The following GPHN variants were observed in gnomAD, a reference collection of about 807,000 sequenced individuals.
The protein encoded by GPHN is gephyrin.
In GPHN, 17 loss-of-function variants were observed where a neutral mutation model predicts 95.5. The ratio of observed to expected loss-of-function variants is 0.18; its 90% confidence interval spans 0.12 to 0.27. GPHN has a LOEUF of 0.27. Among genes scored for constraint, GPHN ranks in the 10% least tolerant of loss-of-function variants. GPHN has a pLI of 1.00. For synonymous variants in GPHN, 320 were observed against 322.5 expected (o/e 0.99, Z 0.08); for missense variants, 660 against 978.1 (o/e 0.67, Z 4.34).
the GPHN span, among the ~76,000 whole-genome samples, chr14:67,210,110 T>C: frequency 6.6e-6 from 1 of 152,226 alleles, no homozygotes; most frequent in East Asian, 1.9e-4. Flanking sequence ...CCTTTACTTA[T>C]GGTAACATGT....
At chr14:67,261,887 A>C in the GPHN span, among the ~76,000 whole-genome samples, 3 of 152,180 alleles carry the variant, frequency 2.0e-5, no homozygotes, top group Non-Finnish European at 4.4e-5. Flanking sequence ...AATTTATTTT[A>C]TGAAGCAGTC....
chr14:66,894,951 G>A (rs918089438), intron 5 of GPHN, among the ~76,000 whole-genome samples: 2 of 152,150 alleles, frequency 1.3e-5, no homozygotes. Context: ...ACAGTGTGTC[G>A]ATTCCTCAAG....
At chr14:67,333,958 T>G in the GPHN span, 1 of 152,572 alleles carries the variant, frequency 6.6e-6, no homozygotes, top group Non-Finnish European at 1.5e-5. Context: ...GGAATTCTGT[T>G]GATGAATATA....
At chr14:67,424,008 CA>C in the GPHN span, among the ~76,000 whole-genome samples, 1 of 152,194 alleles carries the variant, frequency 6.6e-6, no homozygotes, top group Non-Finnish European at 1.5e-5. Flanking sequence ...GAGGCCAAGG[CA>C]GGCAGATCAC....
At chr14:67,041,565 G>A (rs943691565) in intron 10 of GPHN, among the ~76,000 whole-genome samples, 1 of 152,116 alleles carries the variant, frequency 6.6e-6, no homozygotes, top group African/African-American at 2.4e-5. Flanking sequence ...TTTTATGGCT[G>A]TATAGTATTC....
At chr14:67,000,787 T>C (rs1310293700) in intron 9 of GPHN, among the ~76,000 whole-genome samples, 1 of 151,648 alleles carries the variant, frequency 6.6e-6, no homozygotes, top group Non-Finnish European at 1.5e-5. Flanking sequence ...AGCTAATCCA[T>C]AGAGATAATG....
chr14:67,653,374 T>G, the GPHN span: 1 of 1,470,388 alleles, frequency 6.8e-7, no homozygotes, highest in South Asian at 1.2e-5. Flanking sequence ...AAGTCACTAT[T>G]TTAAGCTTTT....
intron 1 of GPHN, among the ~76,000 whole-genome samples, chr14:66,593,635 G>A (rs1266793664): frequency 6.6e-6 from 1 of 152,098 alleles, no homozygotes; most frequent in Admixed American, 6.5e-5. Flanking sequence ...TGAGATTTGG[G>A]TGGGGACACA....
At chr14:67,331,234 G>A in the GPHN span, among the ~76,000 whole-genome samples, 3 of 152,008 alleles carry the variant, frequency 2.0e-5, no homozygotes, top group Non-Finnish European at 2.9e-5. Context: ...TAATAGAGAC[G>A]GGGTTTTGCC....
chr14:67,010,155 C>T (rs577650103), intron 9 of GPHN, among the ~76,000 whole-genome samples: 3 of 152,190 alleles, frequency 2.0e-5, no homozygotes, highest in Non-Finnish European at 2.9e-5. Flanking sequence ...TTCAGCTCCT[C>T]CCATGTTAAC....
intron 5 of GPHN, among the ~76,000 whole-genome samples, chr14:66,904,431 T>C (rs2065273342): frequency 6.6e-6 from 1 of 152,160 alleles, no homozygotes; most frequent in African/African-American, 2.4e-5. Context: ...CGGTGATTGG[T>C]GCGTTTTTAC....
chr14:66,821,300 T>C (rs887035499), intron 3 of GPHN, among the ~76,000 whole-genome samples: 5 of 152,226 alleles, frequency 3.3e-5, no homozygotes, highest in Non-Finnish European at 7.4e-5. Context: ...ATGTGGCACA[T>C]AGTTCAGTTT....
At chr14:66,785,590 T>G (rs995591650) in intron 3 of GPHN, among the ~76,000 whole-genome samples, 1 of 151,768 alleles carries the variant, frequency 6.6e-6, no homozygotes, top group Non-Finnish European at 1.5e-5. Flanking sequence ...CACATTTTTT[T>G]TCAAGCACAC....
intron 10 of GPHN, among the ~76,000 whole-genome samples, chr14:67,053,170 GGTTT>G (rs1468816203): frequency 4.1e-5 from 5 of 123,284 alleles, no homozygotes; most frequent in East Asian, 2.5e-4. Flanking sequence ...TCTAGGAGCT[GGTTT>G]GTTTTTTTTT....
chr14:66,588,676 A>C (rs1452200207), intron 1 of GPHN, among the ~76,000 whole-genome samples: 3 of 152,144 alleles, frequency 2.0e-5, no homozygotes, highest in African/African-American at 2.4e-5. Context: ...GTGTGAAGAC[A>C]AGATTAGAGA....
chr14:67,648,098 AC>A, the GPHN span: 2 of 1,613,960 alleles, frequency 1.2e-6, no homozygotes, highest in Non-Finnish European at 1.7e-6. Flanking sequence ...TTGACCCTAC[AC>A]TGGCTCCAGC....
At chr14:66,925,395 C>G (rs1406535822) in intron 8 of GPHN, among the ~76,000 whole-genome samples, 1 of 151,992 alleles carries the variant, frequency 6.6e-6, no homozygotes, top group Non-Finnish European at 1.5e-5. Flanking sequence ...TTTGGGGTAC[C>G]CATTAACCAT....
intron 10 of GPHN, among the ~76,000 whole-genome samples, chr14:67,041,124 T>C (rs2074677642): frequency 6.6e-6 from 1 of 152,108 alleles, no homozygotes; most frequent in Non-Finnish European, 1.5e-5. Context: ...GAAGAATTTA[T>C]TCTCAGGCCA....
chr14:66,605,527 A>ATTTTTT (rs59245552), intron 1 of GPHN, among the ~76,000 whole-genome samples: 8 of 116,438 alleles, frequency 6.9e-5, no homozygotes, highest in African/African-American at 1.4e-4. Context: ...TCCTTTGCCG[A>ATTTTTT]TTTTTTTTTT....
Sources: gnomAD v4.1 joint callset for allele counts (sites outside exome capture counted in the v4.1 genomes callset) on GRCh38, gnomAD v4.1.1 for gene constraint, MANE v1.5 for transcripts, NCBI Gene and HGNC (gene_info 2026-07-23, HGNC 2026-07-21) for gene names.